CBLN4: variants seen among roughly 807,000 people sequenced by gnomAD.
CBLN4 encodes the protein cerebellin 4 precursor.
A neutral mutation model predicts 14.9 loss-of-function variants in CBLN4; 7 were observed. The ratio of observed to expected loss-of-function variants is 0.47; its 90% confidence interval spans 0.27 to 0.88. The LOEUF (loss-of-function observed/expected upper bound fraction) is 0.88. CBLN4 is among the 40% of genes least tolerant of loss of function. The pLI, the probability that CBLN4 is intolerant of heterozygous loss-of-function variation, is 0.14. For synonymous variants in CBLN4, 131 were observed against 116.5 expected, an observed-to-expected ratio of 1.12 and a Z score of -0.80; for missense variants, 188 against 256.8, an observed-to-expected ratio of 0.73 and a Z score of 1.83.
rs1986314499 is a variant in CBLN4 at position 55,998,336 on chromosome 20, G to T, written c.*221C>A. On this transcript the variant is annotated 3_prime_UTR_variant, in exon 3 of 3. Transcript: ENST00000064571. ...TTTTGACTGTTACATTTAAGCATAG[G>T]TATTATCTGCTTAGAGTCCCAATCC... 1 of 560,454 alleles carries T rather than the reference G, an allele frequency of 1.8e-6. No homozygotes were observed. Among genetic ancestry groups the T allele is most frequent in the Non-Finnish European group, 3.1e-6 (1 of 318,066 alleles). The allele number at this position is 560,454 out of a possible 1,614,324, so 34.7% of individuals were successfully genotyped here. A position where few individuals can be genotyped will look rare whatever the true frequency, so the allele number is the denominator to read the frequency against.
Position 56,004,163 on chromosome 20 carries a change from G to T in CBLN4, c.9C>A (p.Ser3=), listed in dbSNP as rs375091776. The T allele has an allele frequency of 1.8e-5, 28 of 1,529,590 alleles. No individual in the cohort carries two copies. The highest frequency in any genetic ancestry group is 2.3e-5 in the Non-Finnish European group (26 of 1,142,944). 94.8% of individuals were successfully genotyped at this position (1,529,590 alleles called of 1,614,324 possible). A position where few individuals can be genotyped will look rare whatever the true frequency, so the allele number is the denominator to read the frequency against. The change falls in exon 1 of 3, where the codon TCC becomes TCA. Residue 3 remains serine (S), a synonymous_variant. Coordinates refer to ENST00000064571, the MANE Select transcript of CBLN4 (RefSeq NM_080617.6). This position sits in a 1 kb window ranked among gnomAD's most constrained non-coding sequence, Gnocchi z 6.1. ...GCACCGCGGACAGCGCCCGGCGCCCGGAGCCCATGGTGAGCCGTGTGGGCA... is the reference window on the plus strand; with the variant it reads ...GCACCGCGGACAGCGCCCGGCGCCCTGAGCCCATGGTGAGCCGTGTGGGCA... MG[S]GRRALSAVPA...
chr20:56,000,237 A>G (rs1986346147), intron 2 of CBLN4, among the ~76,000 whole-genome samples: 1 of 152,232 alleles, frequency 6.6e-6, no homozygotes, highest in African/African-American at 2.4e-5. Flanking sequence ...TACGCATAGA[A>G]CACCGTTTTT....
In CBLN4 at chr20:56,005,081, T is replaced by TG. The variant is rs1012836035; in HGVS notation, c.-911dup. 1 of 152,466 alleles carries TG rather than the reference T, an allele frequency of 6.6e-6. No individual in the cohort carries two copies. Among genetic ancestry groups the TG allele is most frequent in the African/African-American group, 2.4e-5 (1 of 41,460 alleles). The allele number at this position is 152,466 out of a possible 1,614,324, so 9.4% of individuals were successfully genotyped here. A position where few individuals can be genotyped will look rare whatever the true frequency, so the allele number is the denominator to read the frequency against. ...TCCGAGAAAAGGGGGAGAAGGCGTC[T>TG]GGTGACCCCATCTGAGCAGCTCTCT... On this transcript the variant is annotated 5_prime_UTR_variant, in exon 1 of 3. It removes the in-frame stop codon of an upstream open reading frame in the 5' UTR. Transcript: ENST00000064571.
chr20:56,004,801 T>A lies in CBLN4; in HGVS notation c.-630A>T, dbSNP rs935076614. ...CCCCAAACCTGGTGTCACCCAGAGG[T>A]AGGGAGGGAGGCAGCGGCTAGCCAG... is the stretch of plus-strand genomic sequence containing the variant. On this transcript the variant is annotated 5_prime_UTR_variant, in exon 1 of 3. Transcript: ENST00000064571. The surrounding 1 kb of genome is among the most constrained non-coding windows in gnomAD (Gnocchi z 6.1). 2.0e-5 allele frequency: 3 copies of A among 152,324 alleles called. No homozygotes were observed. Among genetic ancestry groups the A allele is most frequent in the Non-Finnish European group, 4.4e-5 (3 of 68,188 alleles). 9.4% of individuals were successfully genotyped at this position (152,324 alleles called of 1,614,324 possible). A position where few individuals can be genotyped will look rare whatever the true frequency, so the allele number is the denominator to read the frequency against.
chr20:55,999,737 T>A (rs7273595), intron 2 of CBLN4, among the ~76,000 whole-genome samples: 15,969 of 152,246 alleles, frequency 0.1, 2,799 homozygotes, highest in African/African-American at 0.36. Context: ...TGACAGATAA[T>A]TAGAATCAAC....
chr20:55,998,029 G>A lies in CBLN4; in HGVS notation c.*528C>T, dbSNP rs551497260. On this transcript the variant is annotated 3_prime_UTR_variant, in exon 3 of 3. Coordinates refer to ENST00000064571, the MANE Select transcript of CBLN4 (RefSeq NM_080617.6). ...CAAGCCATTCATTACCTTATTTTAA[G>A]AGAAAACATAATACCAGTTACTGAA... The A allele has an allele frequency of 6.6e-6, 1 of 151,486 alleles. No individual in the cohort carries two copies. The highest frequency in any genetic ancestry group is 2.4e-5 in the African/African-American group (1 of 41,164). The allele number at this position is 151,486 out of a possible 1,614,324, so 9.4% of individuals were successfully genotyped here.
intron 2 of CBLN4, 54 bp from the exon 3 acceptor site, chr20:55,998,808 C>A (rs1986322839): frequency 1.5e-6 from 2 of 1,299,214 alleles, no homozygotes; most frequent in Admixed American, 3.5e-5. Flanking sequence ...GTCAAAACAT[C>A]TACTGGGGAG....
At position 56,004,480 on chromosome 20, in the gene CBLN4, C is replaced by T. The variant is rs1173702343; in HGVS notation, c.-309G>A. 3.0e-6 allele frequency: 1 copy of T among 337,802 alleles called. No homozygotes were observed. Among genetic ancestry groups the T allele is most frequent in the African/African-American group, 2.1e-5 (1 of 46,910 alleles). The allele number at this position is 337,802 out of a possible 1,614,324, so 20.9% of individuals were successfully genotyped here. A position where few individuals can be genotyped will look rare whatever the true frequency, so the allele number is the denominator to read the frequency against. ...TGCACCCACTCTGGTTCCTAGACAT[C>T]TGAAAGTCATCAAACCCTCACATTC... On this transcript the variant is annotated 5_prime_UTR_variant, in exon 1 of 3. Transcript: ENST00000064571. This position sits in a 1 kb window ranked among gnomAD's most constrained non-coding sequence, Gnocchi z 6.1.
At chr20:55,999,219 A>G (rs1986329039) in intron 2 of CBLN4, among the ~76,000 whole-genome samples, 2 of 152,336 alleles carry the variant, frequency 1.3e-5, no homozygotes, top group South Asian at 4.1e-4. Context: ...CAGCTGTAAC[A>G]TGCATACTAC....
intron 1 of CBLN4, among the ~76,000 whole-genome samples, chr20:56,001,636 C>T (rs1271079081): frequency 1.3e-5 from 2 of 152,148 alleles, no homozygotes; most frequent in Admixed American, 6.5e-5. Flanking sequence ...TTTCCCTGTT[C>T]CTCCCCGGGC....
chr20:55,997,597 C>A lies in CBLN4; in HGVS notation c.*960G>T, dbSNP rs1293025410. On this transcript the variant is annotated 3_prime_UTR_variant, in exon 3 of 3. Transcript: ENST00000064571. ...ATATATACAATTTAAAGAGTTAAGG[C>A]AAAACCAGATGATACTTCAAATACA... 4 of 151,164 alleles carry A rather than the reference C, an allele frequency of 2.6e-5. No individual in the cohort carries two copies. The highest frequency in any genetic ancestry group is 1.9e-4 in the East Asian group (1 of 5,138). The allele number at this position is 151,164 out of a possible 1,614,324, so 9.4% of individuals were successfully genotyped here.
intron 1 of CBLN4, among the ~76,000 whole-genome samples, chr20:56,003,376 G>T (rs1986407375): frequency 6.6e-6 from 1 of 152,338 alleles, no homozygotes; most frequent in South Asian, 2.1e-4. Flanking sequence ...GCGGCCACCT[G>T]CCCGATCTCT....
chr20:56,004,070 G>A lies in CBLN4; in HGVS notation c.102C>T (p.Ile34=). Residue 34 remains isoleucine (I), a synonymous_variant, in exon 1 of 3, where the codon ATC becomes ATT. Transcript: ENST00000064571. This position sits in a 1 kb window ranked among gnomAD's most constrained non-coding sequence, Gnocchi z 6.1. ...CCACCAGACACTTGCCCTCCAGCAC[G>A]ATGGGCTCCGTGTCGTTCTGTGCCC... ...PVWAQNDTEP[I]VLEGKCLVVC... The A allele has an allele frequency of 1.9e-6, 3 of 1,613,558 alleles. No individual in the cohort carries two copies. The highest frequency in any genetic ancestry group is 2.5e-6 in the Non-Finnish European group (3 of 1,179,898).
chr20:56,002,616 A>G (rs1986393831), intron 1 of CBLN4, among the ~76,000 whole-genome samples: 1 of 152,238 alleles, frequency 6.6e-6, no homozygotes, highest in Non-Finnish European at 1.5e-5. Flanking sequence ...CCAACATTTA[A>G]TTAAAGCATT....
chr20:56,001,646 C>G (rs1986375176), intron 1 of CBLN4, among the ~76,000 whole-genome samples: 1 of 152,192 alleles, frequency 6.6e-6, no homozygotes, highest in South Asian at 2.1e-4. Context: ...CCTCCCCGGG[C>G]TGTCCATTAA....
rs1291453039 is a variant in CBLN4, at chr20:56,004,341, A to G, written c.-170T>C. 1.7e-6 allele frequency: 1 copy of G among 589,062 alleles called. No individual in the cohort carries two copies. The highest frequency in any genetic ancestry group is 3.4e-5 in the East Asian group (1 of 29,294). The allele number at this position is 589,062 out of a possible 1,614,324, so 36.5% of individuals were successfully genotyped here. A position where few individuals can be genotyped will look rare whatever the true frequency, so the allele number is the denominator to read the frequency against. On this transcript the variant is annotated 5_prime_UTR_variant, in exon 1 of 3. Coordinates refer to ENST00000064571, the MANE Select transcript of CBLN4 (RefSeq NM_080617.6). The surrounding 1 kb of genome is among the most constrained non-coding windows in gnomAD (Gnocchi z 6.1). ...CCACCAATTCTGTGGCTTGAAGTCA[A>G]AGTCTCCCCTCGAGCTCTCTCGCTG... is the stretch of plus-strand genomic sequence containing the variant.
rs1288240146 is a variant in CBLN4 at position 56,004,694 on chromosome 20, C to T, written c.-523G>A. ...GGGACGAGTTACAGAGGCAGAAGGT[C>T]CTTCCCAGGCTGAGAAGAACGCGAG... On this transcript the variant is annotated 5_prime_UTR_variant, in exon 1 of 3. Transcript: ENST00000064571. This position sits in a 1 kb window ranked among gnomAD's most constrained non-coding sequence, Gnocchi z 6.1. 1 of 153,132 alleles carries T rather than the reference C, an allele frequency of 6.5e-6. No individual in the cohort carries two copies. The highest frequency in any genetic ancestry group is 2.4e-5 in the African/African-American group (1 of 41,500). 9.5% of individuals were successfully genotyped at this position (153,132 alleles called of 1,614,324 possible).
intron 2 of CBLN4, 81 bp from the exon 3 acceptor site, chr20:55,998,835 G>GAC: frequency 2.8e-6 from 3 of 1,064,820 alleles, no homozygotes; most frequent in South Asian, 1.4e-5. Context: ...TAATGTCTAA[G>GAC]ATGATAGACC....
At position 55,998,549 on chromosome 20, in the gene CBLN4, A is replaced by G. The variant is rs775689091; in HGVS notation, c.*8T>C. 12 of 1,613,912 alleles carry G rather than the reference A, an allele frequency of 7.4e-6. No individual in the cohort carries two copies. The highest frequency in any genetic ancestry group is 9.3e-6 in the Non-Finnish European group (11 of 1,179,920). On this transcript the variant is annotated 3_prime_UTR_variant, in exon 3 of 3. Transcript: ENST00000064571. ...TCACCTGGATGAACATCATGGAGAA[A>G]TTGAATCCTATAGGGGGAACACCAG...
Sources: allele counts gnomAD v4.1 joint callset (sites outside exome capture counted in the v4.1 genomes callset), GRCh38; gene constraint gnomAD v4.1.1; non-coding constraint Gnocchi (gnomAD v3.1); transcripts MANE v1.5; gene names NCBI Gene and HGNC (gene_info 2026-07-23, HGNC 2026-07-21).